Variants in PIK3R1 observed in about 807,000 individuals in gnomAD.
PIK3R1 encodes phosphoinositide-3-kinase regulatory subunit 1.
In PIK3R1, 29 loss-of-function variants were observed where a neutral mutation model predicts 98.0. That is an observed-to-expected ratio of 0.30 (90% CI 0.22 to 0.40). The LOEUF (loss-of-function observed/expected upper bound fraction) is 0.40, where lower values mean the gene tolerates loss of function less well. Ranked by LOEUF, PIK3R1 falls within the 10% of genes least tolerant of loss-of-function variation. The probability of loss-of-function intolerance (pLI) is 1.00; values close to 1 mark genes in which losing one functional copy is unlikely to be tolerated. For missense variants in PIK3R1, 596 were observed against 872.7 expected (o/e 0.68, Z 3.99); for synonymous variants, 282 against 311.8 (o/e 0.90, Z 1.01).
rs200255602 is a variant in PIK3R1 at position 68,301,527 on chromosome 5, CA to C, written c.*3935del. 0.012 allele frequency: 1,699 copies of C among 141,862 alleles called. 47 individuals carry two copies. Among genetic ancestry groups the C allele is most frequent in the African/African-American group, 0.04 (1,470 of 36,930 alleles). 8.8% of individuals were successfully genotyped at this position (141,862 alleles called of 1,614,324 possible). On this transcript the variant is annotated 3_prime_UTR_variant, in exon 16 of 16. Transcript: ENST00000521381. The stretch of plus-strand genomic sequence containing the variant: ...ATATATGTATTTAAAAAAATCAAAA[CA>C]AAAAAAAACTCATTTATACCTGTGT...
intron 15 of PIK3R1, 56 bp downstream of exon 15, chr5:68,296,397 TATTC>T: frequency 1.3e-6 from 2 of 1,485,774 alleles, no homozygotes; most frequent in African/African-American, 1.4e-5. Flanking sequence ...ATGTTTCATT[TATTC>T]ATTCATTGAG....
At chr5:68,270,702 TG>T (rs1479334592) in intron 2 of PIK3R1, among the ~76,000 whole-genome samples, 3 of 152,184 alleles carry the variant, frequency 2.0e-5, no homozygotes, top group African/African-American at 7.2e-5. Flanking sequence ...GACACAATAA[TG>T]GATCTTAATA....
intron 1 of PIK3R1, among the ~76,000 whole-genome samples, chr5:68,218,221 A>G (rs1402678791): frequency 1.3e-5 from 2 of 152,204 alleles, no homozygotes. Flanking sequence ...GACAGTGATG[A>G]TGGTGGTATG....
intron 4 of PIK3R1, among the ~76,000 whole-genome samples, chr5:68,278,769 G>A (rs6872296): frequency 0.013 from 1,962 of 152,054 alleles, 47 homozygotes; most frequent in African/African-American, 0.044. Flanking sequence ...ATGAAACCCT[G>A]TCTCTACTAA....
At chr5:68,231,963 C>G (rs552915755) in intron 2 of PIK3R1, among the ~76,000 whole-genome samples, 28 of 152,268 alleles carry the variant, frequency 1.8e-4, no homozygotes, top group South Asian at 1.0e-3. Flanking sequence ...TGAGCTCTGT[C>G]TCTAACTTCT....
rs71305021 is a variant in PIK3R1, at chr5:68,289,759, C to CAAAAAAAAAAAAA, written c.917-2485_917-2473dup. On this transcript the variant is annotated intron_variant, in intron 7 of 15. Coordinates refer to ENST00000521381, the MANE Select transcript of PIK3R1 (RefSeq NM_181523.3). ...GGCATTTGAGATAGAGGGGGAAAAG[C>CAAAAAAAAAAAAA]AAAAAAAAAAAAAAAAAAAAAAAAA... Among the ~76,000 whole-genome samples, 3 of 51,880 alleles carry CAAAAAAAAAAAAA rather than the reference C, an allele frequency of 5.8e-5. 1 individual carries two copies. The highest frequency in any genetic ancestry group is 1.1e-4 in the Non-Finnish European group (3 of 26,486). The allele number at this position is 51,880 out of a possible 152,430, so 34.0% of individuals were successfully genotyped here.
At position 68,294,632 on chromosome 5, in the gene PIK3R1, T is replaced by C. The variant is rs752144869; in HGVS notation, c.1522T>C (p.Tyr508His). ...CQTQERYSKE[Y>H]IEKFKREGNE... ...GACCCAAGAGCGGTACAGCAAAGAA[T>C]ACATAGAAAAGTTTAAACGTGAAGG... Residue 508 changes from tyrosine to histidine, a missense_variant, in exon 12 of 16, where the codon TAC becomes CAC. By Grantham distance (83) the Tyr-to-His change is moderately conservative (BLOSUM62 2). Coordinates refer to ENST00000521381, the MANE Select transcript of PIK3R1 (RefSeq NM_181523.3). 6.2e-7 allele frequency: 1 copy of C among 1,610,784 alleles called. No individual in the cohort carries two copies. Among genetic ancestry groups the C allele is most frequent in the Non-Finnish European group, 8.5e-7 (1 of 1,178,690 alleles).
At chr5:68,237,785 T>C (rs1744722201) in intron 2 of PIK3R1, among the ~76,000 whole-genome samples, 1 of 151,986 alleles carries the variant, frequency 6.6e-6, no homozygotes, top group African/African-American at 2.4e-5. Flanking sequence ...TACTGTAAAC[T>C]CAACAGAACC....
chr5:68,265,649 A>G (rs918322558), intron 2 of PIK3R1, among the ~76,000 whole-genome samples: 2 of 152,190 alleles, frequency 1.3e-5, no homozygotes, highest in African/African-American at 4.8e-5. Flanking sequence ...ATCTCCAAAT[A>G]TTATCACATT....
At chr5:68,226,141 C>T (rs1309314814) in intron 1 of PIK3R1, 149 bp from the exon 2 acceptor site, 1 of 304,414 alleles carries the variant, frequency 3.3e-6, no homozygotes, top group African/African-American at 2.1e-5. Flanking sequence ...GACTGCCTTA[C>T]TAATCTCTGT....
Position 68,299,271 on chromosome 5 carries a change from G to T in PIK3R1, c.*1670G>T. The T allele has an allele frequency of 4.3e-6, 1 of 233,526 alleles. No homozygotes were observed. The highest frequency in any genetic ancestry group is 6.0e-5 in the East Asian group (1 of 16,576). 14.5% of individuals were successfully genotyped at this position (233,526 alleles called of 1,614,324 possible). A position where few individuals can be genotyped will look rare whatever the true frequency, so the allele number is the denominator to read the frequency against. On this transcript the variant is annotated 3_prime_UTR_variant, in exon 16 of 16. Coordinates refer to ENST00000521381, the MANE Select transcript of PIK3R1 (RefSeq NM_181523.3). ...GAAAAATACTTTTGGTGGTATGTTG[G>T]TTACCCTCCTAGCTTTCCATTTGGT...
rs553370530 is a variant in PIK3R1, at chr5:68,285,865, A to G, written c.916+4859A>G. ...AGTGGATATGGAGCAAATAATTTGA[A>G]TTACCCTAAAAGGCCCTCTGTTCTA... On this transcript the variant is annotated intron_variant, in intron 7 of 15. Coordinates refer to ENST00000521381, the MANE Select transcript of PIK3R1 (RefSeq NM_181523.3). 3.3e-5 allele frequency among the ~76,000 whole-genome samples: 5 copies of G among 152,328 alleles called. No individual in the cohort carries two copies. In the South Asian group the frequency reaches 1.0e-3, roughly 32 times the overall value.
chr5:68,284,125 G>A (rs1746971969), intron 7 of PIK3R1, among the ~76,000 whole-genome samples: 1 of 150,722 alleles, frequency 6.6e-6, no homozygotes, highest in South Asian at 2.1e-4. Flanking sequence ...GTGGAATTGG[G>A]TTAATGCCTC....
At chr5:68,229,306 G>A (rs1744391977) in intron 2 of PIK3R1, among the ~76,000 whole-genome samples, 1 of 152,194 alleles carries the variant, frequency 6.6e-6, no homozygotes. Context: ...GAACCTGTGA[G>A]ACTAGTTTCT....
chr5:68,224,611 A>T (rs1744211316), intron 1 of PIK3R1, among the ~76,000 whole-genome samples: 1 of 152,218 alleles, frequency 6.6e-6, no homozygotes, highest in Non-Finnish European at 1.5e-5. Flanking sequence ...TCCACTGACG[A>T]GTGCCTGTAA....
intron 2 of PIK3R1, among the ~76,000 whole-genome samples, chr5:68,261,341 A>G (rs1309806093): frequency 6.6e-6 from 1 of 152,184 alleles, no homozygotes; most frequent in Non-Finnish European, 1.5e-5. Context: ...GAGACATTAA[A>G]TGTTTTGCCC....
rs1747794419 is a variant in PIK3R1, at chr5:68,297,538, G to T, written c.2112G>T (p.Val704=). The change falls in exon 16 of 16, where the codon GTG becomes GTT. Residue 704 remains valine (V), a synonymous_variant. Transcript: ENST00000521381. ...LVLHYQHTSL[V]QHNDSLNVTL... is the part of the protein sequence containing the mutation. The stretch of plus-strand genomic sequence containing the variant: ...TACATTACCAACACACCTCCCTTGT[G>T]CAGCACAACGACTCCCTCAATGTCA... The T allele has an allele frequency of 6.2e-7, 1 of 1,614,190 alleles. No homozygotes were observed.
intron 2 of PIK3R1, among the ~76,000 whole-genome samples, chr5:68,249,086 T>C (rs1415603802): frequency 6.6e-6 from 1 of 152,198 alleles, no homozygotes. Context: ...TGTAGGGAGG[T>C]TGAAATGCAT....
chr5:68,285,818 T>G (rs1412868160), intron 7 of PIK3R1, among the ~76,000 whole-genome samples: 1 of 152,196 alleles, frequency 6.6e-6, no homozygotes, highest in Non-Finnish European at 1.5e-5. Flanking sequence ...ATGTTTTCCT[T>G]AGCATAATGT....
Sources: allele counts gnomAD v4.1 joint callset (sites outside exome capture counted in the v4.1 genomes callset), GRCh38; gene constraint gnomAD v4.1.1; transcripts MANE v1.5; gene names NCBI Gene and HGNC (gene_info 2026-07-23, HGNC 2026-07-21).